Variants in NAV2 observed in about 807,000 individuals in gnomAD.
NAV2 encodes neuron navigator 2, also known as helicase, APC down-regulated 1.
Under a neutral mutation model 223.2 loss-of-function variants are expected in NAV2, and 54 were observed. That is an observed-to-expected ratio of 0.24 (90% CI 0.19 to 0.30). The LOEUF (loss-of-function observed/expected upper bound fraction) is 0.30, where lower values mean the gene tolerates loss of function less well. Ranked by LOEUF, NAV2 falls within the 10% of genes least tolerant of loss-of-function variation. The pLI, the probability that NAV2 is intolerant of heterozygous loss-of-function variation, is 1.00. For synonymous variants in NAV2, 1,279 were observed against 1,239.3 expected (o/e 1.03, Z -0.67); for missense variants, 2,806 against 3,147.5 (o/e 0.89, Z 2.60).
chr11:19,800,233 T>C (rs2058159764), intron 1 of NAV2, among the ~76,000 whole-genome samples: 1 of 152,160 alleles, frequency 6.6e-6, no homozygotes, highest in Non-Finnish European at 1.5e-5. Context: ...CAGTTCTGTA[T>C]AGGGAGAGTG....
chr11:20,094,464 G>T (rs537181680), intron 29 of NAV2, among the ~76,000 whole-genome samples: 1 of 151,972 alleles, frequency 6.6e-6, no homozygotes, highest in East Asian at 1.9e-4. Flanking sequence ...TCCCGACCTT[G>T]TGATCCACCT....
At chr11:19,743,364 C>G (rs983698561) in intron 1 of NAV2, among the ~76,000 whole-genome samples, 1 of 152,166 alleles carries the variant, frequency 6.6e-6, no homozygotes, top group Non-Finnish European at 1.5e-5. Flanking sequence ...AGACAGATGG[C>G]AGAAGGAATG....
chr11:19,475,134 G>T (rs752262422), intron 1 of NAV2, among the ~76,000 whole-genome samples: 10 of 152,250 alleles, frequency 6.6e-5, no homozygotes, highest in Non-Finnish European at 1.2e-4. Flanking sequence ...GGGAAAGCCG[G>T]AAGGCTAAGG....
intron 1 of NAV2, among the ~76,000 whole-genome samples, chr11:19,542,843 CTG>C (rs2044376649): frequency 6.6e-6 from 1 of 152,240 alleles, no homozygotes; most frequent in Non-Finnish European, 1.5e-5. Context: ...CTGACTCAGA[CTG>C]TGAGCACCAC....
intron 1 of NAV2, among the ~76,000 whole-genome samples, chr11:19,514,479 C>T (rs2043379312): frequency 6.6e-6 from 1 of 152,218 alleles, no homozygotes; most frequent in Non-Finnish European, 1.5e-5. Context: ...CCACAGGATT[C>T]TCCACACAGC....
intron 1 of NAV2, among the ~76,000 whole-genome samples, chr11:19,423,682 A>T (rs182676661): frequency 7.9e-5 from 12 of 152,316 alleles, no homozygotes; most frequent in Non-Finnish European, 1.6e-4. Flanking sequence ...GCCAATGTCT[A>T]TCTAACTGGG....
intron 1 of NAV2, among the ~76,000 whole-genome samples, chr11:19,830,105 A>G (rs1331005590): frequency 6.6e-6 from 1 of 152,084 alleles, no homozygotes; most frequent in African/African-American, 2.4e-5. Flanking sequence ...TGCACCTGTA[A>G]TCCCAGCTAC....
At chr11:20,117,337 C>T (rs113333776) in intron 37 of NAV2, among the ~76,000 whole-genome samples, 2,457 of 152,210 alleles carry the variant, frequency 0.016, 34 homozygotes, top group Non-Finnish European at 0.025. Context: ...ATTTATTAAG[C>T]GCTTACTATA....
At chr11:19,708,870 C>G (rs184125749), upstream of NAV2, among the ~76,000 whole-genome samples, 1 of 146,698 alleles carries the variant, frequency 6.8e-6, no homozygotes, top group Non-Finnish European at 1.5e-5. Context: ...GCCATTTCAA[C>G]TTGGCATACT....
chr11:19,963,843 A>G (rs1221739821), intron 10 of NAV2, among the ~76,000 whole-genome samples: 1 of 152,224 alleles, frequency 6.6e-6, no homozygotes, highest in Non-Finnish European at 1.5e-5. Context: ...AGGAAAGTTC[A>G]GATCAAGAGC....
intron 1 of NAV2, among the ~76,000 whole-genome samples, chr11:19,490,498 A>C (rs979760677): frequency 1.3e-5 from 2 of 152,208 alleles, no homozygotes; most frequent in African/African-American, 2.4e-5. Flanking sequence ...CTATCTTAAG[A>C]AACCATTTTC....
intron 1 of NAV2, among the ~76,000 whole-genome samples, chr11:19,416,276 T>G (rs1170304935): frequency 6.6e-6 from 1 of 152,036 alleles, no homozygotes; most frequent in Non-Finnish European, 1.5e-5. Context: ...TGTGCAAAAA[T>G]CACAAGCATT....
intron 1 of NAV2, among the ~76,000 whole-genome samples, chr11:19,560,505 G>A (rs1338677450): frequency 6.6e-6 from 1 of 152,168 alleles, no homozygotes; most frequent in Non-Finnish European, 1.5e-5. Context: ...GCTGTGAAGC[G>A]CCACTGAGGT....
chr11:20,074,144 A>G (rs1286746365), intron 22 of NAV2, among the ~76,000 whole-genome samples: 2 of 152,106 alleles, frequency 1.3e-5, no homozygotes, highest in African/African-American at 4.8e-5. Flanking sequence ...CTTTGTTCTC[A>G]TTGGTTTCAA....
At chr11:19,829,693 G>A (rs898696612) in intron 1 of NAV2, among the ~76,000 whole-genome samples, 3 of 152,180 alleles carry the variant, frequency 2.0e-5, no homozygotes, top group Admixed American at 1.3e-4. Flanking sequence ...AACTCTGTCA[G>A]TTCCAGAGCA....
At chr11:19,831,223 CGGG>C (rs56829857) in intron 1 of NAV2, among the ~76,000 whole-genome samples, 1 of 874 alleles carries the variant, frequency 1.1e-3, no homozygotes, top group Non-Finnish European at 2.7e-3. Flanking sequence ...AGGAGTGTTG[CGGG>C]GGGGGGGGGG....
intron 31 of NAV2, 69 bp downstream of exon 31, chr11:20,097,814 G>T: frequency 2.2e-6 from 3 of 1,390,968 alleles, no homozygotes; most frequent in Non-Finnish European, 2.9e-6. Flanking sequence ...CTTGGCATAG[G>T]CACTTGTGGC....
At chr11:19,987,675 C>T (rs2050914672) in intron 11 of NAV2, among the ~76,000 whole-genome samples, 1 of 152,140 alleles carries the variant, frequency 6.6e-6, no homozygotes, top group Non-Finnish European at 1.5e-5. Flanking sequence ...GAGACTGTGT[C>T]AGTTGGTGAG....
chr11:19,920,390 C>T (rs1166531829), intron 6 of NAV2, among the ~76,000 whole-genome samples: 9 of 152,154 alleles, frequency 5.9e-5, no homozygotes, highest in African/African-American at 1.7e-4. Flanking sequence ...CAGGTTCAAG[C>T]GATTCCCCTG....
Sources: gnomAD v4.1 joint callset for allele counts (sites outside exome capture counted in the v4.1 genomes callset) on GRCh38, gnomAD v4.1.1 for gene constraint, MANE v1.5 for transcripts, NCBI Gene and HGNC (gene_info 2026-07-23, HGNC 2026-07-21) for gene names.